The following ASXL3 variants were observed in gnomAD, a reference collection of about 807,000 sequenced individuals.
The protein encoded by ASXL3 is putative Polycomb group protein ASXL3.
A neutral mutation model predicts 170.6 loss-of-function variants in ASXL3; 34 were observed. The ratio of observed to expected loss-of-function variants is 0.20; its 90% CI spans 0.15 to 0.27. ASXL3 has a LOEUF of 0.27. ASXL3 is among the 10% of genes least tolerant of loss of function. The probability of loss-of-function intolerance (pLI) is 1.00; values close to 1 mark genes in which losing one functional copy is unlikely to be tolerated. For synonymous variants in ASXL3, 1,002 were observed against 989.1 expected (o/e 1.01, Z -0.24); for missense variants, 2,592 against 2,695.3 (o/e 0.96, Z 0.85).
At chr18:33,659,649 T>C (rs1015860374) in intron 4 of ASXL3, among the ~76,000 whole-genome samples, 1 of 152,126 alleles carries the variant, frequency 6.6e-6, no homozygotes, top group African/African-American at 2.4e-5. Context: ...TTATTATTTC[T>C]AATATTTCTT....
intron 2 of ASXL3, among the ~76,000 whole-genome samples, chr18:33,637,483 G>A (rs1284410442): frequency 6.6e-6 from 1 of 152,064 alleles, no homozygotes; most frequent in Non-Finnish European, 1.5e-5. Flanking sequence ...AACAGATTCT[G>A]GAAATGGTGG....
intron 4 of ASXL3, among the ~76,000 whole-genome samples, chr18:33,646,885 G>GC (rs536258459): frequency 2.7e-5 from 4 of 147,734 alleles, no homozygotes; most frequent in South Asian, 4.4e-4. Context: ...GGGAGCGGGG[G>GC]GGGGGGGCAT....
In ASXL3 at chr18:33,744,920, T is replaced by C; in HGVS notation, c.5072T>C (p.Leu1691Pro). The change falls in exon 12 of 12, where the codon CTG becomes CCG. Residue 1691 changes from leucine (L) to proline (P), a missense_variant. Leu to Pro is a moderately conservative substitution (Grantham distance 98). This residue lies in a region of ASXL3 where 2,246 missense variants were observed against 2,219.6 expected (regional missense o/e 1.01). Coordinates refer to ENST00000269197, the MANE Select transcript of ASXL3 (RefSeq NM_030632.3). ...ACTGAAGACTTCCCTGGCCCTGAGC[T>C]GCCTCCTCCGGCTGCAGAGGGAGCC... The part of the protein sequence containing the change: ...MDTEDFPGPE[L>P]PPPAAEGASS... The C allele has an allele frequency of 6.2e-7, 1 of 1,614,012 alleles. No individual in the cohort carries two copies. The highest frequency in any genetic ancestry group is 8.5e-7 in the Non-Finnish European group (1 of 1,179,894).
At chr18:33,610,844 A>G (rs953125832) in intron 2 of ASXL3, among the ~76,000 whole-genome samples, 6 of 152,098 alleles carry the variant, frequency 3.9e-5, no homozygotes, top group Admixed American at 1.3e-4. Context: ...GAAACTTAAC[A>G]CGTTTGTGGA....
rs202111892 is a variant in ASXL3, at chr18:33,745,022, A to G, written c.5174A>G (p.Asp1725Gly). ...GAAGAGGCTATTTCCTTGGCTACCGATGCCCTGAAGAGAGTCCCTGGTGCA... is the reference window on the plus strand; with the variant it reads ...GAAGAGGCTATTTCCTTGGCTACCGGTGCCCTGAAGAGAGTCCCTGGTGCA... ...PMEEAISLATDALKRVPGAGS... is the reference protein window; with the variant it reads ...PMEEAISLATGALKRVPGAGS... The change falls in exon 12 of 12, where the codon GAT becomes GGT. Residue 1725 changes from aspartate to glycine, a missense_variant. Coordinates refer to ENST00000269197, the MANE Select transcript of ASXL3 (RefSeq NM_030632.3). 1 of 1,613,992 alleles carries G rather than the reference A, an allele frequency of 6.2e-7. No homozygotes were observed. The highest frequency in any genetic ancestry group is 8.5e-7 in the Non-Finnish European group (1 of 1,179,896).
At chr18:33,590,311 A>G (rs2065067927) in intron 1 of ASXL3, among the ~76,000 whole-genome samples, 1 of 151,788 alleles carries the variant, frequency 6.6e-6, no homozygotes, top group Non-Finnish European at 1.5e-5. Flanking sequence ...TTAAGTGCTA[A>G]TGCCAAAGAA....
At chr18:33,643,766 T>G (rs1396695941) in intron 2 of ASXL3, among the ~76,000 whole-genome samples, 1 of 151,778 alleles carries the variant, frequency 6.6e-6, no homozygotes, top group Non-Finnish European at 1.5e-5. Flanking sequence ...TCCTTGAAAT[T>G]TGAAGTTAGA....
chr18:33,680,963 A>AT (rs1415025889), intron 7 of ASXL3, among the ~76,000 whole-genome samples: 2 of 151,390 alleles, frequency 1.3e-5, no homozygotes, highest in Non-Finnish European at 3.0e-5. Context: ...CTTAATTTTA[A>AT]TTTTTTTCCT....
chr18:33,584,773 A>G (rs1358176635), intron 1 of ASXL3, among the ~76,000 whole-genome samples: 3 of 152,128 alleles, frequency 2.0e-5, no homozygotes, highest in Non-Finnish European at 4.4e-5. Context: ...TACACCCAAT[A>G]TCATCATCCT....
intron 1 of ASXL3, among the ~76,000 whole-genome samples, chr18:33,582,734 G>GTT (rs1555715553): frequency 2.1e-5 from 3 of 142,634 alleles, no homozygotes; most frequent in African/African-American, 7.6e-5. Context: ...GTGTGTGTGT[G>GTT]TGTGTGTTTT....
chr18:33,666,613 A>T (rs774811465), intron 5 of ASXL3, among the ~76,000 whole-genome samples: 2 of 152,208 alleles, frequency 1.3e-5, no homozygotes, highest in African/African-American at 4.8e-5. Flanking sequence ...TCTATTATAT[A>T]TGTAGCATAA....
At chr18:33,581,356 A>T (rs1324911558) in intron 1 of ASXL3, among the ~76,000 whole-genome samples, 1 of 152,160 alleles carries the variant, frequency 6.6e-6, no homozygotes, top group Non-Finnish European at 1.5e-5. Context: ...GAAAATATAT[A>T]ACTCAATATG....
At chr18:33,658,173 C>T (rs1195728533) in intron 4 of ASXL3, among the ~76,000 whole-genome samples, 1 of 152,082 alleles carries the variant, frequency 6.6e-6, no homozygotes, top group Non-Finnish European at 1.5e-5. Flanking sequence ...AGGGATTTTC[C>T]CTGATCCTTT....
At chr18:33,707,221 A>T (rs573196059) in intron 8 of ASXL3, among the ~76,000 whole-genome samples, 1 of 152,120 alleles carries the variant, frequency 6.6e-6, no homozygotes, top group East Asian at 1.9e-4. Context: ...GTATTTTCAT[A>T]GAAATTTTAG....
chr18:33,686,828 G>T (rs2066605066), intron 8 of ASXL3, among the ~76,000 whole-genome samples: 1 of 152,148 alleles, frequency 6.6e-6, no homozygotes, highest in Admixed American at 6.5e-5. Context: ...TTCGTGCCTG[G>T]GCATAGAAGA....
At chr18:33,671,701 G>T in intron 6 of ASXL3, 46 bp from the exon 7 acceptor site, 1 of 1,501,440 alleles carries the variant, frequency 6.7e-7, no homozygotes, top group Non-Finnish European at 8.9e-7. Flanking sequence ...TTCTTTTCAA[G>T]GACAGCTAGA....
At chr18:33,706,244 A>G (rs1280178422) in intron 8 of ASXL3, among the ~76,000 whole-genome samples, 1 of 151,848 alleles carries the variant, frequency 6.6e-6, no homozygotes. Flanking sequence ...CCTCAACAAG[A>G]TATCAGGCTA....
intron 2 of ASXL3, among the ~76,000 whole-genome samples, chr18:33,634,651 C>A (rs181724026): frequency 6.6e-6 from 1 of 152,142 alleles, no homozygotes; most frequent in Admixed American, 6.5e-5. Flanking sequence ...TTGCCAAATG[C>A]CTTTCCAAAT....
chr18:33,728,450 G>A (rs1234952522), intron 8 of ASXL3, among the ~76,000 whole-genome samples: 1 of 152,040 alleles, frequency 6.6e-6, no homozygotes, highest in Non-Finnish European at 1.5e-5. Flanking sequence ...CAAGGCTGCT[G>A]GAATCACAAG....
Sources: allele counts gnomAD v4.1 joint callset (sites outside exome capture counted in the v4.1 genomes callset), GRCh38; gene constraint gnomAD v4.1.1; regional missense constraint gnomAD v4.1.1; transcripts MANE v1.5; gene names NCBI Gene and HGNC (gene_info 2026-07-23, HGNC 2026-07-21).